The following CDH12 variants were observed in gnomAD, a reference collection of about 807,000 sequenced individuals.
CDH12 encodes cadherin-12.
Under a neutral mutation model 74.1 loss-of-function variants are expected in CDH12, and 41 were observed. That is an observed-to-expected ratio of 0.55 (90% confidence interval 0.43 to 0.72). The LOEUF is 0.72. CDH12 is among the 30% of genes least tolerant of loss of function. The probability of loss-of-function intolerance (pLI) is 0.00; values close to 1 mark genes in which losing one functional copy is unlikely to be tolerated. For missense variants in CDH12, 945 were observed against 977.2 expected (o/e 0.97, Z 0.44); for synonymous variants, 399 against 355.0 (o/e 1.12, Z -1.39).
At chr5:22,678,361 CTT>C (rs1259387105) in intron 1 of CDH12, among the ~76,000 whole-genome samples, 5 of 152,002 alleles carry the variant, frequency 3.3e-5, no homozygotes, top group Admixed American at 1.3e-4. Context: ...AAATAATAAA[CTT>C]AACAATATCA....
Position 21,825,397 on chromosome 5 carries a change from A to G in CDH12, c.815-8265T>C, listed in dbSNP as rs536021450. Among the ~76,000 whole-genome samples the G allele has an allele frequency of 8.1e-4, 124 of 152,160 alleles. 1 individual carries two copies. The highest frequency in any genetic ancestry group is 2.7e-3 in the African/African-American group (113 of 41,522). ...CACTTTTTCTTCTTAAACTCCAACA[A>G]TTTGTACACATTTTGCTATTTTTAA... On this transcript the variant is annotated intron_variant, in intron 8 of 14. Coordinates refer to ENST00000382254, the MANE Select transcript of CDH12 (RefSeq NM_004061.5).
intron 4 of CDH12, among the ~76,000 whole-genome samples, chr5:22,170,630 G>A (rs1453331527): frequency 6.6e-6 from 1 of 150,986 alleles, no homozygotes; most frequent in Non-Finnish European, 1.5e-5. Context: ...TTCAAATTCA[G>A]TGCTTTCCTC....
intron 1 of CDH12, among the ~76,000 whole-genome samples, chr5:22,595,316 C>T (rs370160292): frequency 1.4e-3 from 206 of 152,244 alleles, no homozygotes; most frequent in African/African-American, 4.8e-3. Context: ...TGCATCTATT[C>T]ACAGGTCATA....
intron 1 of CDH12, among the ~76,000 whole-genome samples, chr5:22,668,155 C>T (rs1740714886): frequency 6.6e-6 from 1 of 152,070 alleles, no homozygotes; most frequent in Non-Finnish European, 1.5e-5. Flanking sequence ...TTATTATCAG[C>T]TTATACTTTT....
At chr5:21,875,454 C>A (rs1579881694) in intron 6 of CDH12, among the ~76,000 whole-genome samples, 1 of 152,254 alleles carries the variant, frequency 6.6e-6, no homozygotes, top group East Asian at 1.9e-4. Context: ...GTAGAGTTCC[C>A]TACTTCCAGT....
intron 2 of CDH12, among the ~76,000 whole-genome samples, chr5:22,448,883 GATT>G (rs1161788928): frequency 2.0e-5 from 3 of 151,772 alleles, no homozygotes; most frequent in African/African-American, 4.8e-5. Flanking sequence ...AATGCTTTAT[GATT>G]ATTATTTTTT....
intron 5 of CDH12, among the ~76,000 whole-genome samples, chr5:22,007,008 A>G (rs1482292793): frequency 2.0e-5 from 3 of 152,152 alleles, no homozygotes; most frequent in African/African-American, 4.8e-5. Flanking sequence ...GAATGAACTC[A>G]TGTTATTTAA....
intron 3 of CDH12, among the ~76,000 whole-genome samples, chr5:22,288,648 G>T (rs1278410929): frequency 1.3e-5 from 2 of 152,142 alleles, no homozygotes; most frequent in African/African-American, 4.8e-5. Flanking sequence ...TTGCTGAGAT[G>T]TATAGACAAG....
chr5:22,756,098 GAAAAAAA>G (rs60067455), intron 1 of CDH12, among the ~76,000 whole-genome samples: 2 of 87,338 alleles, frequency 2.3e-5, no homozygotes, highest in Admixed American at 1.3e-4. Context: ...TTCAAGGACC[GAAAAAAA>G]AAAAAAAAAA....
chr5:22,723,921 A>C (rs1434500878), intron 1 of CDH12, among the ~76,000 whole-genome samples: 1 of 151,958 alleles, frequency 6.6e-6, no homozygotes, highest in Non-Finnish European at 1.5e-5. Context: ...AACATTTCAC[A>C]TACTGTGTAA....
chr5:22,153,856 GTGTATATATATATATGTATA>G (rs1159937407), intron 4 of CDH12, among the ~76,000 whole-genome samples: 1 of 114,088 alleles, frequency 8.8e-6, no homozygotes, highest in Non-Finnish European at 1.8e-5. Context: ...ATATGTGTGT[GTGTATATATATATATGTATA>G]TATATATATA....
intron 1 of CDH12, among the ~76,000 whole-genome samples, chr5:22,806,596 C>T (rs1748825421): frequency 6.6e-6 from 1 of 151,878 alleles, no homozygotes; most frequent in African/African-American, 2.4e-5. Context: ...CCTCGTGATC[C>T]GCCCGCCTCG....
chr5:21,759,713 T>C (rs1010665592), intron 13 of CDH12, among the ~76,000 whole-genome samples: 1 of 152,034 alleles, frequency 6.6e-6, no homozygotes, highest in Non-Finnish European at 1.5e-5. Context: ...GATTTGAGGG[T>C]AACGTGAAGG....
chr5:22,707,522 T>A (rs943750104), intron 1 of CDH12, among the ~76,000 whole-genome samples: 2 of 152,126 alleles, frequency 1.3e-5, no homozygotes, highest in Non-Finnish European at 2.9e-5. Context: ...TGAACTATCA[T>A]CAGTGTCATT....
chr5:22,416,985 G>A (rs916587892), intron 2 of CDH12, among the ~76,000 whole-genome samples: 13 of 152,238 alleles, frequency 8.5e-5, no homozygotes, highest in African/African-American at 3.1e-4. Context: ...TACATTTGAT[G>A]TTCTTAAACA....
chr5:22,278,255 G>A (rs925198011), intron 3 of CDH12, among the ~76,000 whole-genome samples: 2 of 152,152 alleles, frequency 1.3e-5, no homozygotes, highest in African/African-American at 2.4e-5. Flanking sequence ...TAAGGCCAAC[G>A]AAAATGCTGG....
At chr5:22,494,927 A>G (rs1043655653) in intron 2 of CDH12, among the ~76,000 whole-genome samples, 2 of 152,246 alleles carry the variant, frequency 1.3e-5, no homozygotes, top group Non-Finnish European at 2.9e-5. Context: ...CCTATCGTTA[A>G]GAAGACTCAT....
chr5:22,808,762 G>GTT (rs70959757), intron 1 of CDH12, among the ~76,000 whole-genome samples: 4 of 41,724 alleles, frequency 9.6e-5, no homozygotes, highest in Admixed American at 3.5e-4. Flanking sequence ...ACCACACCTG[G>GTT]TTTTTTTTTT....
At position 22,465,061 on chromosome 5, in the gene CDH12, G is replaced by T. The variant is rs563016746; in HGVS notation, c.-428+40209C>A. Among the ~76,000 whole-genome samples, 176 of 92,592 alleles carry T rather than the reference G, an allele frequency of 1.9e-3. 1 individual carries two copies. The highest frequency in any genetic ancestry group is 6.2e-3 in the African/African-American group (151 of 24,376). 60.7% of individuals were successfully genotyped at this position (92,592 alleles called of 152,430 possible). A position where few individuals can be genotyped will look rare whatever the true frequency, so the allele number is the denominator to read the frequency against. ...GGGGGGAAGGGAGGAAGGGAGGGGG[G>T]GAAAGAGAGAGAGAGAGAACTCTGA... On this transcript the variant is annotated intron_variant, in intron 2 of 14. Transcript: ENST00000382254.
Sources: allele counts gnomAD v4.1 joint callset (sites outside exome capture counted in the v4.1 genomes callset), GRCh38; gene constraint gnomAD v4.1.1; transcripts MANE v1.5; gene names NCBI Gene and HGNC (gene_info 2026-07-23, HGNC 2026-07-21).